The following TENM2 variants were observed in gnomAD, a reference collection of about 807,000 sequenced individuals.
TENM2 encodes teneurin-2.
Under a neutral mutation model 245.2 loss-of-function variants are expected in TENM2, and 52 were observed. That is an observed-to-expected ratio of 0.21 (90% CI 0.17 to 0.27). The LOEUF is 0.27. TENM2 is among the 10% of genes least tolerant of loss of function. The pLI is 1.00. For synonymous variants in TENM2, 1,363 were observed against 1,438.9 expected (o/e 0.95, Z 1.19); for missense variants, 3,046 against 3,666.8 (o/e 0.83, Z 4.37).
intron 9 of TENM2, among the ~76,000 whole-genome samples, chr5:168,099,538 C>A (rs576272800): frequency 6.6e-6 from 1 of 152,056 alleles, no homozygotes; most frequent in Admixed American, 6.6e-5. Context: ...ATTATGCATA[C>A]GATTTTATTT....
the TENM2 span, among the ~76,000 whole-genome samples, chr5:167,250,958 A>G: frequency 6.6e-6 from 1 of 152,108 alleles, no homozygotes; most frequent in Non-Finnish European, 1.5e-5. Flanking sequence ...TATTTGGTGA[A>G]ATGGCGATAT....
chr5:167,980,406 G>A (rs1374167060), intron 4 of TENM2, among the ~76,000 whole-genome samples: 2 of 152,130 alleles, frequency 1.3e-5, no homozygotes, highest in African/African-American at 4.8e-5. Flanking sequence ...AGAAAGAGGA[G>A]CCATGCAATG....
intron 2 of TENM2, among the ~76,000 whole-genome samples, chr5:167,651,972 C>T (rs139759400): frequency 3.0e-4 from 46 of 152,342 alleles, no homozygotes; most frequent in African/African-American, 9.4e-4. Flanking sequence ...TGCCACCTCT[C>T]TCCCACTACT....
chr5:167,185,087 A>G, the TENM2 span, among the ~76,000 whole-genome samples: 1 of 152,304 alleles, frequency 6.6e-6, no homozygotes, highest in Non-Finnish European at 1.5e-5. Flanking sequence ...TGCTCTACAC[A>G]TATATGTTCA....
At chr5:167,763,294 T>C (rs1381595810) in intron 2 of TENM2, among the ~76,000 whole-genome samples, 2 of 152,178 alleles carry the variant, frequency 1.3e-5, no homozygotes, top group African/African-American at 4.8e-5. Context: ...ATGTGGACCA[T>C]AGAGAGCACA....
chr5:167,792,484 A>C (rs1159229054), intron 2 of TENM2, among the ~76,000 whole-genome samples: 1 of 152,000 alleles, frequency 6.6e-6, no homozygotes, highest in African/African-American at 2.4e-5. Flanking sequence ...AGAAGCGTGC[A>C]TCAGGAGATG....
In TENM2 at chr5:168,199,713, G is replaced by A. The variant is rs1489710990; in HGVS notation, c.3163-151G>A. On this transcript the variant is annotated intron_variant, in intron 16 of 28. Transcript: ENST00000518659. ...GGAAGATAAAGTTTTTGTTGTTGTT[G>A]TTTTTCTTTCTCAGTGGTGGTAAGT... The A allele has an allele frequency of 4.3e-5, 33 of 763,724 alleles. No individual in the cohort carries two copies. In the East Asian group the frequency reaches 7.9e-4, roughly 18 times the overall value. The allele number at this position is 763,724 out of a possible 1,614,324, so 47.3% of individuals were successfully genotyped here.
At chr5:167,385,302 G>A (rs982746589) in intron 2 of TENM2, among the ~76,000 whole-genome samples, 1 of 151,400 alleles carries the variant, frequency 6.6e-6, no homozygotes, top group African/African-American at 2.4e-5. Flanking sequence ...CTATAGTTAT[G>A]TCTCCCTTCT....
chr5:167,231,786 T>C, the TENM2 span, among the ~76,000 whole-genome samples: 16 of 152,338 alleles, frequency 1.1e-4, no homozygotes, highest in East Asian at 2.1e-3. Context: ...AGCCAAATGT[T>C]AATTGTTAAG....
chr5:167,522,036 A>C (rs1305649634), intron 2 of TENM2, among the ~76,000 whole-genome samples: 1 of 152,120 alleles, frequency 6.6e-6, no homozygotes, highest in Non-Finnish European at 1.5e-5. Context: ...TTTCTAATAA[A>C]TGGGTTAAGA....
At chr5:167,001,705 C>G in the TENM2 span, among the ~76,000 whole-genome samples, 1 of 152,090 alleles carries the variant, frequency 6.6e-6, no homozygotes, top group Non-Finnish European at 1.5e-5. Context: ...TCCAAGTTAT[C>G]TATGAGAACA....
chr5:167,143,096 ATGT>A, the TENM2 span, among the ~76,000 whole-genome samples: 28 of 152,280 alleles, frequency 1.8e-4, no homozygotes, highest in African/African-American at 6.5e-4. Context: ...GTCCTTGTAA[ATGT>A]TGTTATCTGC....
the TENM2 span, among the ~76,000 whole-genome samples, chr5:167,203,820 A>G: frequency 1.1e-4 from 16 of 152,158 alleles, no homozygotes; most frequent in Admixed American, 2.0e-4. Context: ...CCTCTATTGA[A>G]TAGATGAAAA....
chr5:167,921,615 T>A (rs895721615), intron 3 of TENM2, among the ~76,000 whole-genome samples: 1 of 152,116 alleles, frequency 6.6e-6, no homozygotes, highest in Non-Finnish European at 1.5e-5. Context: ...AGGTGGTACA[T>A]AACTGTTTGA....
the TENM2 span, among the ~76,000 whole-genome samples, chr5:167,253,466 T>G: frequency 6.6e-6 from 1 of 152,114 alleles, no homozygotes; most frequent in South Asian, 2.1e-4. Flanking sequence ...CAAAAAAAAG[T>G]GACCTCTCAA....
At chr5:167,542,004 G>A (rs1387028983) in intron 2 of TENM2, among the ~76,000 whole-genome samples, 2 of 152,034 alleles carry the variant, frequency 1.3e-5, no homozygotes, top group Non-Finnish European at 2.9e-5. Context: ...TTTAGTCAAC[G>A]GTCACTCTGT....
intron 2 of TENM2, among the ~76,000 whole-genome samples, chr5:167,702,552 G>GTATATATATATATATATA (rs374895330): frequency 1.5e-5 from 2 of 136,782 alleles, no homozygotes; most frequent in African/African-American, 5.7e-5. Flanking sequence ...GTGTGTGTGT[G>GTATATATATATATATATA]TATATATATA....
intron 2 of TENM2, among the ~76,000 whole-genome samples, chr5:167,445,326 T>TAGAGAGAG (rs1394963206): frequency 2.1e-4 from 7 of 32,888 alleles, no homozygotes; most frequent in Admixed American, 4.1e-4. Context: ...TATATATATA[T>TAGAGAGAG]ATATATATAT....
Position 167,499,873 on chromosome 5 carries a change from G to GGT in TENM2, c.502+124401_502+124402dup, listed in dbSNP as rs1224046410. 1.4e-3 allele frequency among the ~76,000 whole-genome samples: 177 copies of GGT among 130,348 alleles called. 1 individual carries two copies. Among genetic ancestry groups the GGT allele is most frequent in the South Asian group, 9.7e-3 (38 of 3,936 alleles). 85.5% of individuals were successfully genotyped at this position (130,348 alleles called of 152,430 possible). On this transcript the variant is annotated intron_variant, in intron 2 of 28. Coordinates refer to ENST00000518659, the Ensembl canonical transcript of TENM2. The stretch of plus-strand genomic sequence containing the variant: ...GTGTGTGTGTGCATGTGTATGTGAG[G>GGT]GTATATGTGTGTGTGTGTATATGTG...
Sources: gnomAD v4.1 joint callset for allele counts (sites outside exome capture counted in the v4.1 genomes callset) on GRCh38, gnomAD v4.1.1 for gene constraint, MANE v1.5 for transcripts, NCBI Gene and HGNC (gene_info 2026-07-23, HGNC 2026-07-21) for gene names.